The following CNOT2 variants were observed in gnomAD, a reference collection of about 807,000 sequenced individuals.
The protein encoded by CNOT2 is CCR4-NOT transcription complex subunit 2, also known as CC chemokine receptor 4-negative regulator of transcription 2.
A neutral mutation model predicts 72.1 loss-of-function variants in CNOT2; 7 were observed. That is an observed-to-expected ratio of 0.10 (90% CI 0.06 to 0.18). The LOEUF (loss-of-function observed/expected upper bound fraction) is 0.18. Among genes scored for constraint, CNOT2 ranks in the 10% least tolerant of loss-of-function variants. The pLI is 1.00. For missense variants in CNOT2, 345 were observed against 660.3 expected (o/e 0.52, Z 5.23); for synonymous variants, 196 against 225.6 (o/e 0.87, Z 1.17).
intron 2 of CNOT2, among the ~76,000 whole-genome samples, chr12:70,303,478 C>A (rs1424651341): frequency 6.6e-6 from 1 of 152,178 alleles, no homozygotes; most frequent in Non-Finnish European, 1.5e-5. Context: ...ACTTACGAAG[C>A]TTAGTTTGGC....
chr12:70,243,195 G>C (rs895669966), upstream of CNOT2: 1 of 152,522 alleles, frequency 6.6e-6, no homozygotes, highest in East Asian at 1.9e-4. Context: ...CGGAGGAGCA[G>C]CAAGCCTCCC....
Position 70,319,383 on chromosome 12 carries a change from T to C in CNOT2, c.238+19T>C, listed in dbSNP as rs985824491. On this transcript the variant is annotated intron_variant, in intron 4 of 15. Coordinates refer to ENST00000229195, the MANE Select transcript of CNOT2 (RefSeq NM_014515.7). ...CAACAAAGTAAGAATTTTGTATTTA[T>C]TCTGGGATACTTTATTTAAAGAGAA... 5.0e-6 allele frequency: 8 copies of C among 1,605,508 alleles called. No homozygotes were observed. The highest frequency in any genetic ancestry group is 1.7e-5 in the Admixed American group (1 of 59,800).
chr12:70,243,334 C>G (rs947195284), upstream of CNOT2: 1 of 152,684 alleles, frequency 6.5e-6, no homozygotes, highest in African/African-American at 2.4e-5. Flanking sequence ...GTTTTGCAGT[C>G]GTCGCTCCCA....
At chr12:70,339,585 A>G (rs1881217379) in intron 11 of CNOT2, among the ~76,000 whole-genome samples, 1 of 152,108 alleles carries the variant, frequency 6.6e-6, no homozygotes, top group Non-Finnish European at 1.5e-5. Context: ...CTAGAGAAAA[A>G]CACATGATAT....
At chr12:70,265,273 TTCTTCTCTTCTCTTCTCTTCTCTTC>T (rs1555188161) in intron 1 of CNOT2, among the ~76,000 whole-genome samples, 20 of 125,468 alleles carry the variant, frequency 1.6e-4, no homozygotes, top group East Asian at 1.4e-3. Flanking sequence ...TTCGTTTTGT[TTCTTCTCTTCTCTTCTCTTCTCTTC>T]TCTTCTCTTC....
At chr12:70,310,827 A>G (rs1250494130) in intron 2 of CNOT2, 68 bp from the exon 3 acceptor site, 20 of 1,378,750 alleles carry the variant, frequency 1.5e-5, no homozygotes, top group Non-Finnish European at 2.0e-5. Context: ...TGTTTTCCAC[A>G]TAGGAGTAAG....
chr12:70,286,359 A>ATTC (rs75526255), intron 2 of CNOT2, among the ~76,000 whole-genome samples: 72,055 of 148,014 alleles, frequency 0.49, 19,982 homozygotes, highest in African/African-American at 0.64. Context: ...ATATTGAGAT[A>ATTC]TTCTTCATAG....
chr12:70,294,352 G>A (rs1319146275), intron 2 of CNOT2: 2 of 1,188,658 alleles, frequency 1.7e-6, no homozygotes, highest in Non-Finnish European at 2.2e-6. Context: ...GTATTTTGAG[G>A]GTGGATGTTG....
chr12:70,251,110 T>C (rs568387810), intron 1 of CNOT2, among the ~76,000 whole-genome samples: 50 of 152,318 alleles, frequency 3.3e-4, no homozygotes, highest in Middle Eastern at 3.4e-3. Flanking sequence ...CCTATACTTT[T>C]CTTAGAAATT....
intron 1 of CNOT2, among the ~76,000 whole-genome samples, chr12:70,265,336 T>TC (rs1276713770): frequency 1.2e-3 from 171 of 143,346 alleles, no homozygotes; most frequent in Non-Finnish European, 1.7e-3. Context: ...TTTCTTTCTT[T>TC]TTTCTTTCTT....
At chr12:70,304,237 G>C (rs534510550) in intron 2 of CNOT2, among the ~76,000 whole-genome samples, 2 of 152,134 alleles carry the variant, frequency 1.3e-5, no homozygotes, top group African/African-American at 4.8e-5. Flanking sequence ...TTGTTCCGTT[G>C]CTGGTGAGGA....
intron 1 of CNOT2, among the ~76,000 whole-genome samples, chr12:70,266,089 C>T (rs1171707943): frequency 6.7e-6 from 1 of 149,874 alleles, no homozygotes; most frequent in African/African-American, 2.5e-5. Flanking sequence ...AATCTACTGT[C>T]GTTGATGTTG....
At chr12:70,282,243 C>T (rs184047248) in intron 2 of CNOT2, among the ~76,000 whole-genome samples, 233 of 152,230 alleles carry the variant, frequency 1.5e-3, no homozygotes, top group African/African-American at 5.5e-3. Flanking sequence ...TTGAATGGAA[C>T]TTTTCAGTAT....
intron 15 of CNOT2, chr12:70,346,657 A>G (rs1882208314): frequency 1.2e-5 from 2 of 168,990 alleles, no homozygotes; most frequent in African/African-American, 4.7e-5. Context: ...TGTAACTTTA[A>G]GCAAGGATGA....
At chr12:70,339,012 T>TTGTGTGTGTG (rs1457871277) in intron 11 of CNOT2, among the ~76,000 whole-genome samples, 190 bp downstream of exon 11, 1 of 108,188 alleles carries the variant, frequency 9.2e-6, no homozygotes, top group African/African-American at 4.3e-5. Context: ...ATTTGGCATT[T>TTGTGTGTGTG]TATGTGTGTG....
chr12:70,267,855 G>A (rs979182231), intron 1 of CNOT2, among the ~76,000 whole-genome samples: 1 of 152,228 alleles, frequency 6.6e-6, no homozygotes, highest in Non-Finnish European at 1.5e-5. Context: ...AGTTTTATTG[G>A]AATACTGCCA....
At chr12:70,306,303 A>G (rs1875377806) in intron 2 of CNOT2, among the ~76,000 whole-genome samples, 2 of 151,994 alleles carry the variant, frequency 1.3e-5, no homozygotes, top group African/African-American at 2.4e-5. Flanking sequence ...TTACAGGTGC[A>G]TGCCACCATG....
intron 2 of CNOT2, among the ~76,000 whole-genome samples, chr12:70,302,478 G>A (rs1232208486): frequency 3.3e-5 from 5 of 151,888 alleles, no homozygotes; most frequent in African/African-American, 4.8e-5. Context: ...TATGTACCCA[G>A]TAGTCATTCA....
intron 15 of CNOT2, among the ~76,000 whole-genome samples, chr12:70,352,464 T>C (rs1472913744): frequency 6.6e-6 from 1 of 152,212 alleles, no homozygotes; most frequent in Non-Finnish European, 1.5e-5. Flanking sequence ...TTTTAAATAC[T>C]TGGTGTTCCA....
Sources: allele counts gnomAD v4.1 joint callset (sites outside exome capture counted in the v4.1 genomes callset), GRCh38; gene constraint gnomAD v4.1.1; transcripts MANE v1.5; gene names NCBI Gene and HGNC (gene_info 2026-07-23, HGNC 2026-07-21).